The following PDLIM1 variants were observed in gnomAD, a reference collection of about 807,000 sequenced individuals.
PDLIM1 encodes PDZ and LIM domain protein 1.
A neutral mutation model predicts 35.2 loss-of-function variants in PDLIM1; 25 were observed. The ratio of observed to expected loss-of-function variants is 0.71; its 90% CI spans 0.52 to 0.99. PDLIM1 has a LOEUF of 0.99. Ranked by LOEUF, PDLIM1 falls within the 50% of genes least tolerant of loss-of-function variation. The probability of loss-of-function intolerance (pLI) is 0.00; values close to 1 mark genes in which losing one functional copy is unlikely to be tolerated. For synonymous variants in PDLIM1, 152 were observed against 154.0 expected, an observed-to-expected ratio of 0.99 and a Z score of 0.10; for missense variants, 363 against 415.3, an observed-to-expected ratio of 0.87 and a Z score of 1.09.
intron 6 of PDLIM1, 36 bp from the exon 7 acceptor site, chr10:95,238,147 G>T: frequency 6.3e-7 from 1 of 1,590,282 alleles, no homozygotes; most frequent in Non-Finnish European, 8.6e-7. Flanking sequence ...CTCCATCAGT[G>T]ACAAGCACCT....
rs1564596147 is a variant in PDLIM1 at position 95,238,581 on chromosome 10, C to T, written c.790G>A (p.Gly264Ser). Residue 264 changes from glycine to serine, a missense_variant, in exon 6 of 7, where the codon GGC becomes AGC. Physicochemically the swap from Gly to Ser is moderately conservative, Grantham distance 56. Coordinates refer to ENST00000329399, the MANE Select transcript of PDLIM1 (RefSeq NM_020992.4). ...AQKLPMCDKC[G>S]TGIVGVFVKL... Reference sequence around the variant, plus strand: ...GCAGATACTCACACAATCCCAGTGCCACATTTGTCACACATAGGCAACTTC... The same window carrying T: ...GCAGATACTCACACAATCCCAGTGCTACATTTGTCACACATAGGCAACTTC... 1 of 1,606,674 alleles carries T rather than the reference C, an allele frequency of 6.2e-7. No homozygotes were observed. Among genetic ancestry groups the T allele is most frequent in the Admixed American group, 1.7e-5 (1 of 60,010 alleles).
In PDLIM1 at chr10:95,271,791, A is replaced by G; in HGVS notation, c.97-7T>C. ...CCTTGCTTCCAGGAGTGACCTAGAA[A>G]AAAAGGGGAAAGCAGGCTAGTTACT... On this transcript the variant is annotated splice_polypyrimidine_tract_variant and splice_region_variant and intron_variant, in intron 1 of 6. Transcript: ENST00000329399. The G allele has an allele frequency of 6.2e-7, 1 of 1,609,856 alleles. No individual in the cohort carries two copies. The highest frequency in any genetic ancestry group is 1.1e-5 in the South Asian group (1 of 89,750).
intron 4 of PDLIM1, among the ~76,000 whole-genome samples, chr10:95,250,911 T>C (rs1225739503): frequency 6.6e-6 from 1 of 152,238 alleles, no homozygotes; most frequent in Non-Finnish European, 1.5e-5. Context: ...CCCAGGGTTA[T>C]TCTAGCCAAG....
At chr10:95,289,903 C>T (rs1314229750) in intron 1 of PDLIM1, among the ~76,000 whole-genome samples, 1 of 152,230 alleles carries the variant, frequency 6.6e-6, no homozygotes, top group Non-Finnish European at 1.5e-5. Flanking sequence ...AACGTGACAT[C>T]TCTTAGTGGG....
intron 4 of PDLIM1, among the ~76,000 whole-genome samples, chr10:95,249,347 T>G (rs1331016476): frequency 6.6e-6 from 1 of 152,216 alleles, no homozygotes; most frequent in Non-Finnish European, 1.5e-5. Context: ...GAAAGGCCAG[T>G]GTGCCCAGTG....
intron 1 of PDLIM1, among the ~76,000 whole-genome samples, chr10:95,280,221 C>T (rs943958754): frequency 2.6e-5 from 4 of 151,982 alleles, no homozygotes; most frequent in Non-Finnish European, 4.4e-5. Context: ...ACTAAAAATA[C>T]AAAAAATTAG....
intron 5 of PDLIM1, among the ~76,000 whole-genome samples, chr10:95,246,653 AC>A (rs2035224157): frequency 6.6e-6 from 1 of 152,222 alleles, no homozygotes; most frequent in African/African-American, 2.4e-5. Flanking sequence ...GAGAAAACAG[AC>A]CTGGGAAGGT....
chr10:95,274,064 T>C (rs1303286463), intron 1 of PDLIM1, among the ~76,000 whole-genome samples: 1 of 152,078 alleles, frequency 6.6e-6, no homozygotes, highest in African/African-American at 2.4e-5. Flanking sequence ...GCAGTCCCCT[T>C]AGGATGAAAT....
intron 4 of PDLIM1, among the ~76,000 whole-genome samples, chr10:95,248,851 C>T (rs186444249): frequency 6.6e-6 from 1 of 152,316 alleles, no homozygotes; most frequent in East Asian, 1.9e-4. Context: ...GCCTGCAATG[C>T]CCTTCCCAGG....
intron 5 of PDLIM1, among the ~76,000 whole-genome samples, chr10:95,243,113 T>C (rs1216918096): frequency 6.6e-6 from 1 of 152,046 alleles, no homozygotes; most frequent in East Asian, 1.9e-4. Context: ...CATCTTTTTC[T>C]AGAATGAAGA....
chr10:95,266,881 C>T (rs2035421820), intron 3 of PDLIM1, among the ~76,000 whole-genome samples: 1 of 152,206 alleles, frequency 6.6e-6, no homozygotes, highest in South Asian at 2.1e-4. Context: ...ATTGTTTGGG[C>T]TTTGTATTTA....
intron 1 of PDLIM1, among the ~76,000 whole-genome samples, chr10:95,273,877 A>T (rs1164708521): frequency 6.6e-6 from 1 of 152,160 alleles, no homozygotes; most frequent in Non-Finnish European, 1.5e-5. Flanking sequence ...TACACACTTC[A>T]CTGTTACTAA....
At chr10:95,280,085 C>CA (rs1177579529) in intron 1 of PDLIM1, among the ~76,000 whole-genome samples, 1 of 152,040 alleles carries the variant, frequency 6.6e-6, no homozygotes, top group East Asian at 1.9e-4. Flanking sequence ...TTTAAAAAAA[C>CA]AAATTTTAGG....
rs552361672 is a variant in PDLIM1 at position 95,284,967 on chromosome 10, C to T, written c.96+5853G>A. On this transcript the variant is annotated intron_variant, in intron 1 of 6. Transcript: ENST00000329399. ...GGTGCTAACAGCCATACAGGAATTA[C>T]CTTTTTTGTCTTAGGTTTCATGGGT... 2.6e-5 allele frequency among the ~76,000 whole-genome samples: 4 copies of T among 152,280 alleles called. No homozygotes were observed. The East Asian group carries it at 5.8e-4, about 22-fold the overall frequency.
chr10:95,282,990 C>T (rs200337924), intron 1 of PDLIM1, among the ~76,000 whole-genome samples: 1 of 152,090 alleles, frequency 6.6e-6, no homozygotes, highest in Admixed American at 6.6e-5. Flanking sequence ...TCCTATGAAC[C>T]CTACGTGCTT....
intron 5 of PDLIM1, 162 bp from the exon 6 acceptor site, chr10:95,238,847 CCA>C (rs1215582728): frequency 3.7e-6 from 2 of 542,538 alleles, no homozygotes; most frequent in Non-Finnish European, 6.7e-6. Flanking sequence ...TCTCTGGTCC[CCA>C]GTTTATTTTT....
intron 4 of PDLIM1, 30 bp downstream of exon 4, chr10:95,263,834 G>A (rs748978865): frequency 1.5e-5 from 24 of 1,561,088 alleles, no homozygotes; most frequent in East Asian, 9.0e-5. Flanking sequence ...TCCCAGGAGC[G>A]GCTCAGAGGA....
At chr10:95,238,466 G>T in intron 6 of PDLIM1, 102 bp downstream of exon 6, 1 of 792,116 alleles carries the variant, frequency 1.3e-6, no homozygotes, top group Non-Finnish European at 2.2e-6. Flanking sequence ...GGAGGGATTT[G>T]TCTCCCTCAC....
At chr10:95,285,408 G>A (rs1287395166) in intron 1 of PDLIM1, among the ~76,000 whole-genome samples, 1 of 152,152 alleles carries the variant, frequency 6.6e-6, no homozygotes, top group Non-Finnish European at 1.5e-5. Flanking sequence ...GCTGTGTGCT[G>A]GGTTAACACT....
Sources: gnomAD v4.1 joint callset for allele counts (sites outside exome capture counted in the v4.1 genomes callset) on GRCh38, gnomAD v4.1.1 for gene constraint, MANE v1.5 for transcripts, NCBI Gene and HGNC (gene_info 2026-07-23, HGNC 2026-07-21) for gene names.